The following KLF17 variants were observed in gnomAD, a reference collection of about 807,000 sequenced individuals.
KLF17 encodes the protein KLF transcription factor 17, also known as Krueppel-like factor 17.
A neutral mutation model predicts 34.2 loss-of-function variants in KLF17; 31 were observed. The ratio of observed to expected loss-of-function variants is 0.91; its 90% CI spans 0.68 to 1.22. The LOEUF (loss-of-function observed/expected upper bound fraction) is 1.22. Among genes scored for constraint, KLF17 ranks in the 50% most tolerant of loss-of-function variants. KLF17 has a pLI of 0.00. For synonymous variants in KLF17, 179 were observed against 186.7 expected (o/e 0.96, Z 0.34); for missense variants, 478 against 505.2 (o/e 0.95, Z 0.52).
chr1:44,130,604 T>C lies in KLF17; in HGVS notation c.1018T>C (p.Tyr340His). The C allele has an allele frequency of 6.2e-7, 1 of 1,614,130 alleles. No homozygotes were observed. The highest frequency in any genetic ancestry group is 1.7e-5 in the Admixed American group (1 of 60,020). Residue 340 changes from tyrosine (Y) to histidine (H), a missense_variant, in exon 3 of 4, where the codon TAT becomes CAT. Transcript: ENST00000372299. ...LRRHMRVHTRYRPYKCDQCSR... is the reference protein window; with the variant it reads ...LRRHMRVHTRHRPYKCDQCSR... ...ACGACATATGCGGGTACACACCAGA[T>C]ATCGACCATATAAATGTGATCAGTG...
intron 1 of KLF17, among the ~76,000 whole-genome samples, chr1:44,124,223 G>A (rs2087981162): frequency 1.3e-5 from 2 of 149,888 alleles, no homozygotes; most frequent in African/African-American, 4.9e-5. Flanking sequence ...TTCAAGGAAT[G>A]ATTTAATTCT....
At chr1:44,124,048 A>G (rs754493406) in intron 1 of KLF17, among the ~76,000 whole-genome samples, 11 of 152,106 alleles carry the variant, frequency 7.2e-5, no homozygotes, top group South Asian at 6.2e-4. Context: ...TGGATATTCT[A>G]TTGTTGAGTG....
chr1:44,085,807 CAAAAAAAAAAAAA>C, the KLF17 span, among the ~76,000 whole-genome samples: 81 of 63,626 alleles, frequency 1.3e-3, no homozygotes, highest in East Asian at 0.037. Context: ...TCTGTCTCAA[CAAAAAAAAAAAAA>C]AAAAAAAAAA....
the KLF17 span, among the ~76,000 whole-genome samples, chr1:44,067,133 G>A: frequency 2.6e-5 from 4 of 151,886 alleles, no homozygotes; most frequent in Non-Finnish European, 5.9e-5. Context: ...ATCCTCTAAC[G>A]CTATTAGAAT....
the KLF17 span, among the ~76,000 whole-genome samples, chr1:44,056,678 G>A: frequency 6.6e-6 from 1 of 152,202 alleles, no homozygotes; most frequent in Non-Finnish European, 1.5e-5. Flanking sequence ...AAAGGCCCGG[G>A]AATAGTCCCA....
the KLF17 span, among the ~76,000 whole-genome samples, chr1:44,050,142 G>A: frequency 6.6e-6 from 1 of 152,216 alleles, no homozygotes; most frequent in Non-Finnish European, 1.5e-5. Context: ...ACCAATTTAT[G>A]CTGCCACCAG....
the KLF17 span, among the ~76,000 whole-genome samples, chr1:44,089,407 G>C: frequency 6.6e-6 from 1 of 152,190 alleles, no homozygotes; most frequent in East Asian, 1.9e-4. Flanking sequence ...AGCAAACACT[G>C]TACATCAAAG....
At chr1:44,097,529 G>C in the KLF17 span, among the ~76,000 whole-genome samples, 1 of 152,056 alleles carries the variant, frequency 6.6e-6, no homozygotes, top group African/African-American at 2.4e-5. Context: ...ACCATGGCAC[G>C]TGTATACCTA....
intron 1 of KLF17, among the ~76,000 whole-genome samples, chr1:44,127,643 T>TTTC (rs879815365): frequency 1.9e-5 from 1 of 52,640 alleles, no homozygotes; most frequent in South Asian, 5.9e-4. Flanking sequence ...TCTTTCCTTC[T>TTTC]TTCTTTCTTT....
chr1:44,100,230 C>A, the KLF17 span, among the ~76,000 whole-genome samples: 1 of 148,848 alleles, frequency 6.7e-6, no homozygotes, highest in African/African-American at 2.5e-5. Context: ...TGAACTCTAG[C>A]CTGGGTAACA....
chr1:44,072,338 G>A, the KLF17 span, among the ~76,000 whole-genome samples: 2 of 152,024 alleles, frequency 1.3e-5, no homozygotes, highest in African/African-American at 4.8e-5. Flanking sequence ...GGATTCAGGG[G>A]ACTAATCTGA....
the KLF17 span, chr1:44,103,426 C>A: frequency 0.36 from 279,056 of 783,462 alleles, 50,695 homozygotes; most frequent in Middle Eastern, 0.4. Context: ...AAGGAGCTGG[C>A]GCCCATGCCA....
the KLF17 span, among the ~76,000 whole-genome samples, chr1:44,102,151 T>C: frequency 6.6e-6 from 1 of 152,154 alleles, no homozygotes; most frequent in South Asian, 2.1e-4. Flanking sequence ...ATATCAATAA[T>C]CACTTTAATT....
At chr1:44,095,893 A>C in the KLF17 span, among the ~76,000 whole-genome samples, 1 of 151,450 alleles carries the variant, frequency 6.6e-6, no homozygotes, top group Non-Finnish European at 1.5e-5. Flanking sequence ...AACTTTACTG[A>C]ATTTGTTTAT....
the KLF17 span, among the ~76,000 whole-genome samples, chr1:44,095,816 T>TTG: frequency 6.6e-6 from 1 of 152,046 alleles, no homozygotes; most frequent in Non-Finnish European, 1.5e-5. Flanking sequence ...TTGGGGTTTT[T>TTG]TTTTCATATT....
At chr1:44,048,126 A>G in the KLF17 span, 2 of 152,160 alleles carry the variant, frequency 1.3e-5, no homozygotes, top group Admixed American at 1.3e-4. Context: ...ACAGAGGCAA[A>G]ATGTGGGAGT....
At chr1:44,104,382 G>A in the KLF17 span, 15 of 1,031,528 alleles carry the variant, frequency 1.5e-5, 1 homozygote, top group East Asian at 9.6e-5. Flanking sequence ...GCTCCCAGCC[G>A]TCTGCTGCTG....
chr1:44,085,833 GGAGA>G, the KLF17 span, among the ~76,000 whole-genome samples: 4 of 110,996 alleles, frequency 3.6e-5, no homozygotes, highest in Non-Finnish European at 5.8e-5. Flanking sequence ...AAAAAAAAAA[GGAGA>G]GAGAGAGAGC....
chr1:44,101,032 C>T, the KLF17 span, among the ~76,000 whole-genome samples: 49,390 of 152,072 alleles, frequency 0.32, 8,170 homozygotes, highest in South Asian at 0.38. Context: ...CATCTAAATA[C>T]TAGGACTCTA....
Sources: gnomAD v4.1 joint callset for allele counts (sites outside exome capture counted in the v4.1 genomes callset) on GRCh38, gnomAD v4.1.1 for gene constraint, MANE v1.5 for transcripts, NCBI Gene and HGNC (gene_info 2026-07-23, HGNC 2026-07-21) for gene names.